DPYD: variants seen among roughly 807,000 people sequenced by gnomAD.
DPYD encodes dihydropyrimidine dehydrogenase, also known as dihydropyrimidine dehydrogenase [NADP(+)].
DPYD carries 109 observed loss-of-function variants against 116.2 expected under a neutral mutation model. The observed-to-expected ratio is 0.94, with a 90% CI of 0.80 to 1.10. The LOEUF is 1.10. Ranked by LOEUF, DPYD falls within the 50% of genes least tolerant of loss-of-function variation. The probability of loss-of-function intolerance (pLI) is 0.00; values close to 1 mark genes in which losing one functional copy is unlikely to be tolerated. For missense variants in DPYD, 1,302 were observed against 1,254.5 expected (o/e 1.04, Z -0.57); for synonymous variants, 440 against 432.0 (o/e 1.02, Z -0.23).
chr1:97,473,057 G>C (rs959105196), intron 13 of DPYD, among the ~76,000 whole-genome samples: 3 of 152,024 alleles, frequency 2.0e-5, no homozygotes, highest in Admixed American at 6.5e-5. Flanking sequence ...CTGTATATTA[G>C]ATCCCCAGAA....
chr1:97,318,193 T>C (rs1189095335), intron 16 of DPYD, among the ~76,000 whole-genome samples: 1 of 145,472 alleles, frequency 6.9e-6, no homozygotes, highest in Non-Finnish European at 1.5e-5. Flanking sequence ...AATCACCAGC[T>C]AACATCATAA....
intron 8 of DPYD, among the ~76,000 whole-genome samples, chr1:97,656,744 T>C (rs1014666428): frequency 3.3e-5 from 5 of 152,108 alleles, no homozygotes; most frequent in Admixed American, 3.3e-4. Context: ...AAATCCTCAT[T>C]AAACTAATTT....
chr1:97,876,709 G>A (rs1671939528), intron 2 of DPYD, among the ~76,000 whole-genome samples: 1 of 151,902 alleles, frequency 6.6e-6, no homozygotes, highest in South Asian at 2.1e-4. Context: ...GAAGCCACTG[G>A]GTTTTCATTT....
chr1:97,432,785 T>C (rs1247329025), intron 14 of DPYD, among the ~76,000 whole-genome samples: 1 of 152,160 alleles, frequency 6.6e-6, no homozygotes, highest in East Asian at 1.9e-4. Flanking sequence ...GTGGATTAAG[T>C]CTACAGTTAA....
chr1:97,522,533 T>G (rs1648759175), intron 12 of DPYD, among the ~76,000 whole-genome samples: 1 of 151,950 alleles, frequency 6.6e-6, no homozygotes, highest in Non-Finnish European at 1.5e-5. Context: ...CCATCCTGGC[T>G]ATGGTGAAAC....
intron 2 of DPYD, among the ~76,000 whole-genome samples, chr1:97,874,468 A>G (rs895383257): frequency 3.9e-4 from 60 of 152,026 alleles, no homozygotes; most frequent in Admixed American, 1.6e-3. Flanking sequence ...TCAAATCAAG[A>G]TACCATAAGC....
At chr1:97,322,383 T>C (rs1250165158) in intron 16 of DPYD, among the ~76,000 whole-genome samples, 1 of 151,992 alleles carries the variant, frequency 6.6e-6, no homozygotes, top group East Asian at 1.9e-4. Context: ...CTCTGTGGAC[T>C]GATATCCCTT....
chr1:97,673,079 G>A (rs1477285313), intron 8 of DPYD, among the ~76,000 whole-genome samples: 2 of 152,038 alleles, frequency 1.3e-5, no homozygotes, highest in East Asian at 3.9e-4. Context: ...AGTCACAATT[G>A]AAGTATGGAT....
At chr1:97,245,421 G>A (rs965111104) in intron 18 of DPYD, among the ~76,000 whole-genome samples, 63 of 152,112 alleles carry the variant, frequency 4.1e-4, no homozygotes, top group African/African-American at 1.4e-3. Context: ...TTACCTATAA[G>A]TATAAATAGA....
At chr1:97,535,849 C>G (rs1025892449) in intron 12 of DPYD, among the ~76,000 whole-genome samples, 3 of 152,026 alleles carry the variant, frequency 2.0e-5, no homozygotes, top group African/African-American at 4.8e-5. Flanking sequence ...AAACAAAAAC[C>G]TTCACATTAT....
intron 20 of DPYD, among the ~76,000 whole-genome samples, chr1:97,125,301 T>A (rs1652751843): frequency 6.6e-6 from 1 of 152,138 alleles, no homozygotes; most frequent in Non-Finnish European, 1.5e-5. Context: ...TTCAAAAGAC[T>A]ATCTTGATCA....
At chr1:97,201,173 A>G (rs1659175745) in intron 19 of DPYD, among the ~76,000 whole-genome samples, 1 of 152,176 alleles carries the variant, frequency 6.6e-6, no homozygotes, top group Non-Finnish European at 1.5e-5. Flanking sequence ...CACATTTATT[A>G]GTTAATTATT....
chr1:97,229,816 T>G (rs1661467874), intron 19 of DPYD, among the ~76,000 whole-genome samples: 2 of 151,998 alleles, frequency 1.3e-5, no homozygotes, highest in Non-Finnish European at 2.9e-5. Flanking sequence ...AACTTTACAT[T>G]TTTAACAAAA....
intron 16 of DPYD, among the ~76,000 whole-genome samples, chr1:97,323,456 C>CATATATACATATGTGTATATATACACGT (rs1668478148): frequency 3.9e-5 from 4 of 102,474 alleles, no homozygotes; most frequent in Admixed American, 2.5e-4. Context: ...ATATACATAT[C>CATATATACATATGTGTATATATACACGT]ATATATACAT....
intron 7 of DPYD, among the ~76,000 whole-genome samples, chr1:97,681,075 C>G (rs1451511911): frequency 6.6e-6 from 1 of 152,140 alleles, no homozygotes; most frequent in African/African-American, 2.4e-5. Context: ...AAGCTCTCTT[C>G]TAAGTACTGC....
chr1:97,857,086 T>C (rs1350753235), intron 2 of DPYD, among the ~76,000 whole-genome samples: 1 of 152,188 alleles, frequency 6.6e-6, no homozygotes, highest in Non-Finnish European at 1.5e-5. Context: ...CCTTGCCCAG[T>C]ACATCTTCCC....
At chr1:97,892,835 C>G (rs1407037271) in intron 1 of DPYD, among the ~76,000 whole-genome samples, 1 of 151,752 alleles carries the variant, frequency 6.6e-6, no homozygotes, top group African/African-American at 2.4e-5. Flanking sequence ...CTAAATCTTA[C>G]AACTTTCATT....
intron 16 of DPYD, among the ~76,000 whole-genome samples, chr1:97,331,458 T>C (rs1178879334): frequency 6.6e-6 from 1 of 152,136 alleles, no homozygotes; most frequent in East Asian, 1.9e-4. Flanking sequence ...ACATCCTGGA[T>C]GACAGAGCAA....
intron 13 of DPYD, among the ~76,000 whole-genome samples, chr1:97,478,721 C>A (rs777301515): frequency 6.6e-6 from 1 of 152,198 alleles, no homozygotes; most frequent in Non-Finnish European, 1.5e-5. Flanking sequence ...ATTCACTCCT[C>A]TTGTTTAGCT....
Sources: allele counts gnomAD v4.1 joint callset (sites outside exome capture counted in the v4.1 genomes callset), GRCh38; gene constraint gnomAD v4.1.1; transcripts MANE v1.5; gene names NCBI Gene and HGNC (gene_info 2026-07-23, HGNC 2026-07-21).